The following CRIM1 variants were observed in gnomAD, a reference collection of about 807,000 sequenced individuals.
The protein encoded by CRIM1 is cysteine rich transmembrane BMP regulator 1, also known as cysteine-rich motor neuron 1 protein.
CRIM1 carries 32 observed loss-of-function variants against 116.4 expected under a neutral mutation model. The observed-to-expected ratio is 0.27, with a 90% CI of 0.21 to 0.37. CRIM1 has a LOEUF of 0.37. Among genes scored for constraint, CRIM1 ranks in the 10% least tolerant of loss-of-function variants. CRIM1 has a pLI of 1.00. For synonymous variants in CRIM1, 590 were observed against 509.2 expected (o/e 1.16, Z -2.13); for missense variants, 1,331 against 1,354.8 (o/e 0.98, Z 0.28).
rs530368913 is a variant in CRIM1, at chr2:36,363,532, C to A, written c.331+6909C>A. Reference sequence around the variant, plus strand: ...ACTGAATTCAGCAGTCGTCGCCGCCCCCCCCCCCCATGACTATCTTTTTAT... The same window carrying A: ...ACTGAATTCAGCAGTCGTCGCCGCCACCCCCCCCCATGACTATCTTTTTAT... On this transcript the variant is annotated intron_variant, in intron 1 of 16. Coordinates refer to ENST00000280527, the MANE Select transcript of CRIM1 (RefSeq NM_016441.3). 1.5e-4 allele frequency among the ~76,000 whole-genome samples: 20 copies of A among 134,362 alleles called. 5 individuals carry two copies. In the South Asian group the frequency reaches 4.0e-3, roughly 27 times the overall value. 88.1% of individuals were successfully genotyped at this position (134,362 alleles called of 152,430 possible).
At chr2:36,382,914 C>T (rs951811764) in intron 1 of CRIM1, among the ~76,000 whole-genome samples, 11 of 152,194 alleles carry the variant, frequency 7.2e-5, no homozygotes, top group African/African-American at 2.7e-4. Flanking sequence ...ATCAGAGCAT[C>T]CTTTGGGAGT....
intron 4 of CRIM1, among the ~76,000 whole-genome samples, chr2:36,462,438 G>C (rs1163304881): frequency 1.3e-5 from 2 of 152,240 alleles, no homozygotes; most frequent in Non-Finnish European, 2.9e-5. Context: ...GGCAGACTTA[G>C]TCATGGTGTT....
At chr2:36,372,550 A>G (rs972022703) in intron 1 of CRIM1, among the ~76,000 whole-genome samples, 1 of 152,226 alleles carries the variant, frequency 6.6e-6, no homozygotes, top group Admixed American at 6.5e-5. Flanking sequence ...AGTTTTGGCC[A>G]AGATAAAGTA....
rs376094591 is a variant in CRIM1, at chr2:36,442,632, A to G, written c.766A>G (p.Arg256Gly). Reference sequence around the variant, plus strand: ...CCTTTCAGTTTTCGGCGTGGACTGCAGGACTGTGGAATGCCCTCCTGTTCA... The same window carrying G: ...CCTTTCAGTTTTCGGCGTGGACTGCGGGACTGTGGAATGCCCTCCTGTTCA... ...ECKPVFGVDC[R>G]TVECPPVQQT... The change falls in exon 4 of 17, where the codon AGG (arginine) becomes GGG (glycine). Residue 256 changes from arginine (R) to glycine (G), a missense_variant. Around this residue, in one of 3 missense-constraint regions of CRIM1, gnomAD observed 690 missense variants for 676.0 expected, o/e 1.02. Coordinates refer to ENST00000280527, the MANE Select transcript of CRIM1 (RefSeq NM_016441.3). 11 of 1,614,046 alleles carry G rather than the reference A, an allele frequency of 6.8e-6. No individual in the cohort carries two copies. The highest frequency in any genetic ancestry group is 6.7e-5 in the African/African-American group (5 of 74,910).
At chr2:36,489,439 A>C (rs1162178274) in intron 7 of CRIM1, among the ~76,000 whole-genome samples, 1 of 152,208 alleles carries the variant, frequency 6.6e-6, no homozygotes, top group African/African-American at 2.4e-5. Context: ...TAAATCTCTC[A>C]TCCTTTCTGG....
intron 13 of CRIM1, among the ~76,000 whole-genome samples, chr2:36,533,823 A>G (rs1210750960): frequency 6.6e-6 from 1 of 152,166 alleles, no homozygotes; most frequent in Non-Finnish European, 1.5e-5. Context: ...GGTCAGTATC[A>G]TTCAGAAAAC....
In CRIM1 at chr2:36,404,443, G is replaced by T. The variant is rs150029916; in HGVS notation, c.505+7656G>T. On this transcript the variant is annotated intron_variant, in intron 2 of 16. Transcript: ENST00000280527. Reference sequence around the variant, plus strand: ...AGGATTATAGTCATAGACTCTTTCAGTCCAGAAGGTACTCAGCATTCTCTA... The same window carrying T: ...AGGATTATAGTCATAGACTCTTTCATTCCAGAAGGTACTCAGCATTCTCTA... 2.8e-3 allele frequency among the ~76,000 whole-genome samples: 421 copies of T among 152,264 alleles called. 2 individuals carry two copies. The highest frequency in any genetic ancestry group is 9.0e-3 in the African/African-American group (375 of 41,552).
chr2:36,469,742 T>G (rs1678343435), intron 5 of CRIM1, among the ~76,000 whole-genome samples: 1 of 152,222 alleles, frequency 6.6e-6, no homozygotes, highest in African/African-American at 2.4e-5. Context: ...CTTCTACTGA[T>G]AGAATAATGG....
chr2:36,422,112 T>C (rs1473287070), intron 2 of CRIM1, among the ~76,000 whole-genome samples: 1 of 151,372 alleles, frequency 6.6e-6, no homozygotes, highest in Non-Finnish European at 1.5e-5. Context: ...AGTGGCAGAA[T>C]TGGGATACTA....
intron 4 of CRIM1, among the ~76,000 whole-genome samples, chr2:36,461,072 A>G (rs530963895): frequency 2.3e-4 from 35 of 152,250 alleles, no homozygotes; most frequent in Non-Finnish European, 3.7e-4. Context: ...AGAGTGTTGA[A>G]TGCTAGGCTG....
chr2:36,510,426 T>C (rs1664580423), intron 9 of CRIM1, among the ~76,000 whole-genome samples: 1 of 152,156 alleles, frequency 6.6e-6, no homozygotes, highest in South Asian at 2.1e-4. Context: ...GCTGGCAAGA[T>C]TAGGAGATGG....
chr2:36,548,563 C>T lies in CRIM1; in HGVS notation c.2973C>T (p.Cys991=), dbSNP rs556584875. The change falls in exon 17 of 17, where the codon TGC becomes TGT. Residue 991 remains cysteine, a synonymous_variant. Coordinates refer to ENST00000280527, the MANE Select transcript of CRIM1 (RefSeq NM_016441.3). ...SLNNQLVSVD[C]KKGTRVQVDS... is the part of the protein sequence containing the mutation. Reference sequence around the variant, plus strand: ...ATAATCAGCTAGTATCTGTGGACTGCAAGAAAGGAACCAGAGTCCAGGTGG... The same window carrying T: ...ATAATCAGCTAGTATCTGTGGACTGTAAGAAAGGAACCAGAGTCCAGGTGG... 6.2e-7 allele frequency: 1 copy of T among 1,600,112 alleles called. No individual in the cohort carries two copies. The highest frequency in any genetic ancestry group is 1.1e-5 in the South Asian group (1 of 88,122).
chr2:36,537,918 CCATTA>C (rs1390161653), intron 14 of CRIM1, among the ~76,000 whole-genome samples: 1 of 152,184 alleles, frequency 6.6e-6, no homozygotes, highest in Non-Finnish European at 1.5e-5. Flanking sequence ...TGCTTAAAAG[CCATTA>C]CACTGTGAAA....
At chr2:36,404,578 T>C (rs1440037409) in intron 2 of CRIM1, among the ~76,000 whole-genome samples, 2 of 152,244 alleles carry the variant, frequency 1.3e-5, no homozygotes, top group African/African-American at 2.4e-5. Context: ...GCACATGCCA[T>C]GTGCCACTAC....
chr2:36,516,243 C>A (rs1302490630), intron 11 of CRIM1, among the ~76,000 whole-genome samples: 1 of 152,178 alleles, frequency 6.6e-6, no homozygotes, highest in Non-Finnish European at 1.5e-5. Context: ...GATTTCAGCT[C>A]TGAGCATCTC....
intron 5 of CRIM1, among the ~76,000 whole-genome samples, chr2:36,471,038 G>A (rs1678470645): frequency 6.6e-6 from 1 of 152,224 alleles, no homozygotes. Flanking sequence ...AGTAGAAGGA[G>A]CAAGAGAACT....
intron 2 of CRIM1, among the ~76,000 whole-genome samples, chr2:36,419,356 A>G (rs1673878985): frequency 6.6e-6 from 1 of 152,236 alleles, no homozygotes; most frequent in South Asian, 2.1e-4. Flanking sequence ...GATTGAACAC[A>G]TGGTTCAGTA....
intron 3 of CRIM1, among the ~76,000 whole-genome samples, chr2:36,441,851 A>G (rs573453250): frequency 3.3e-5 from 5 of 152,224 alleles, no homozygotes; most frequent in Admixed American, 6.5e-5. Context: ...ATTTGCAGCT[A>G]TATCTGCCAC....
At chr2:36,416,304 C>T in intron 2 of CRIM1, among the ~76,000 whole-genome samples, 1 of 151,980 alleles carries the variant, frequency 6.6e-6, no homozygotes, top group Non-Finnish European at 1.5e-5. Context: ...ACTTTATTGC[C>T]ATTGAGGAAC....
Sources: gnomAD v4.1 joint callset for allele counts (sites outside exome capture counted in the v4.1 genomes callset) on GRCh38, gnomAD v4.1.1 for gene constraint, gnomAD v4.1.1 regional missense constraint, MANE v1.5 for transcripts, NCBI Gene and HGNC (gene_info 2026-07-23, HGNC 2026-07-21) for gene names.